NCAM2: variants seen among roughly 807,000 people sequenced by gnomAD.
NCAM2 encodes neural cell adhesion molecule 2, also known as N-CAM-2.
NCAM2 carries 30 observed loss-of-function variants against 98.1 expected under a neutral mutation model. The ratio of observed to expected loss-of-function variants is 0.31; its 90% CI spans 0.23 to 0.41. The LOEUF is 0.41. NCAM2 is among the 10% of genes least tolerant of loss of function. The pLI, the probability that NCAM2 is intolerant of heterozygous loss-of-function variation, is 1.00. For synonymous variants in NCAM2, 368 were observed against 342.4 expected (o/e 1.07, Z -0.83); for missense variants, 867 against 1,005.8 (o/e 0.86, Z 1.87).
chr21:21,451,415 A>G (rs1248763283), intron 12 of NCAM2, among the ~76,000 whole-genome samples: 2 of 152,146 alleles, frequency 1.3e-5, no homozygotes, highest in Non-Finnish European at 2.9e-5. Context: ...GCTGTTCTTC[A>G]ATATTAATTC....
intron 1 of NCAM2, among the ~76,000 whole-genome samples, chr21:21,224,429 T>G (rs2070298864): frequency 6.6e-6 from 1 of 152,154 alleles, no homozygotes; most frequent in South Asian, 2.1e-4. Context: ...ATCTATAGCT[T>G]GTACTTTCAA....
rs529034293 is a variant in NCAM2 at position 21,454,006 on chromosome 21, A to C, written c.1655-12600A>C. ...ATTTTTAAACAGTATGATGAAGGTA[A>C]GTTATGATTTACCATGCCTAGGATT... On this transcript the variant is annotated intron_variant, in intron 12 of 17. Coordinates refer to ENST00000400546, the MANE Select transcript of NCAM2 (RefSeq NM_004540.5). Among the ~76,000 whole-genome samples, 8 of 152,196 alleles carry C rather than the reference A, an allele frequency of 5.3e-5. No individual in the cohort carries two copies. In the South Asian group the frequency reaches 1.7e-3, roughly 32 times the overall value.
At chr21:21,237,031 C>T (rs1329154184) in intron 1 of NCAM2, among the ~76,000 whole-genome samples, 5 of 151,174 alleles carry the variant, frequency 3.3e-5, no homozygotes, top group Non-Finnish European at 5.9e-5. Context: ...TAGACTTCTG[C>T]TCCTTATTTA....
At chr21:21,475,229 G>C (rs938910110) in intron 14 of NCAM2, among the ~76,000 whole-genome samples, 3 of 151,958 alleles carry the variant, frequency 2.0e-5, no homozygotes, top group African/African-American at 7.3e-5. Context: ...GAAAAATGGC[G>C]CTAGAGTGTA....
intron 16 of NCAM2, among the ~76,000 whole-genome samples, chr21:21,520,806 GA>G (rs1183470594): frequency 6.6e-6 from 1 of 151,994 alleles, no homozygotes; most frequent in Non-Finnish European, 1.5e-5. Flanking sequence ...TCAGGAATAG[GA>G]AAAAAATGTA....
intron 1 of NCAM2, among the ~76,000 whole-genome samples, chr21:21,138,370 A>G (rs1199864966): frequency 1.3e-5 from 2 of 152,206 alleles, no homozygotes; most frequent in Non-Finnish European, 2.9e-5. Context: ...AGAGACAGAT[A>G]GATGTGTTTG....
At chr21:21,474,930 C>G (rs987294679) in intron 14 of NCAM2, among the ~76,000 whole-genome samples, 1 of 151,226 alleles carries the variant, frequency 6.6e-6, no homozygotes, top group South Asian at 2.1e-4. Flanking sequence ...CATATCATCT[C>G]AAATTACTTT....
At chr21:21,328,350 G>C (rs192549863) in intron 6 of NCAM2, among the ~76,000 whole-genome samples, 3 of 152,026 alleles carry the variant, frequency 2.0e-5, no homozygotes, top group Non-Finnish European at 4.4e-5. Flanking sequence ...CATTATTTTA[G>C]AGTGTACTCC....
intron 5 of NCAM2, among the ~76,000 whole-genome samples, chr21:21,293,524 A>G (rs1224937216): frequency 6.6e-6 from 1 of 151,828 alleles, no homozygotes; most frequent in Non-Finnish European, 1.5e-5. Context: ...GAGGAGATCT[A>G]GTATTTTTCA....
intron 6 of NCAM2, among the ~76,000 whole-genome samples, chr21:21,324,854 T>C (rs2074471268): frequency 1.3e-5 from 2 of 152,150 alleles, no homozygotes; most frequent in South Asian, 2.1e-4. Context: ...GACACCACTG[T>C]CATATGTATA....
At chr21:21,251,979 C>G (rs1269133116) in intron 1 of NCAM2, among the ~76,000 whole-genome samples, 1 of 152,028 alleles carries the variant, frequency 6.6e-6, no homozygotes, top group Non-Finnish European at 1.5e-5. Context: ...TTGCCTATGC[C>G]TATGTCCTGA....
At chr21:21,175,444 A>G (rs550367315) in intron 1 of NCAM2, among the ~76,000 whole-genome samples, 6 of 152,306 alleles carry the variant, frequency 3.9e-5, no homozygotes, top group African/African-American at 1.4e-4. Context: ...GAGGCAGGAC[A>G]ATCACTTGAA....
chr21:21,000,212 G>A (rs2063993572), intron 1 of NCAM2, among the ~76,000 whole-genome samples: 1 of 152,140 alleles, frequency 6.6e-6, no homozygotes, highest in African/African-American at 2.4e-5. Flanking sequence ...TTATAGCATA[G>A]ACAGGTATTT....
intron 1 of NCAM2, among the ~76,000 whole-genome samples, chr21:21,169,689 CG>C (rs2068059469): frequency 6.6e-6 from 1 of 152,122 alleles, no homozygotes; most frequent in African/African-American, 2.4e-5. Context: ...TGGCTCATGC[CG>C]GTAATCCCAG....
At chr21:21,160,840 G>A (rs1483111591) in intron 1 of NCAM2, among the ~76,000 whole-genome samples, 1 of 152,064 alleles carries the variant, frequency 6.6e-6, no homozygotes, top group South Asian at 2.1e-4. Context: ...ATTTTGATAT[G>A]CAATGACATT....
intron 15 of NCAM2, among the ~76,000 whole-genome samples, chr21:21,508,590 T>TA (rs942853239): frequency 3.5e-4 from 51 of 146,068 alleles, no homozygotes; most frequent in South Asian, 6.5e-4. Flanking sequence ...TCTTTGTTAA[T>TA]AAAAAAAAAA....
chr21:21,377,990 C>A (rs995282008), intron 9 of NCAM2, among the ~76,000 whole-genome samples: 1 of 151,966 alleles, frequency 6.6e-6, no homozygotes, highest in African/African-American at 2.4e-5. Flanking sequence ...CTAGATTCAT[C>A]CATGTTGTGC....
chr21:21,315,416 A>C (rs1239128278), intron 5 of NCAM2, among the ~76,000 whole-genome samples: 1 of 152,164 alleles, frequency 6.6e-6, no homozygotes, highest in Admixed American at 6.6e-5. Context: ...TCCCCTGGCC[A>C]GAAAGCTGCG....
intron 1 of NCAM2, among the ~76,000 whole-genome samples, chr21:21,254,776 A>G (rs1273200493): frequency 1.3e-5 from 2 of 151,916 alleles, no homozygotes; most frequent in South Asian, 2.1e-4. Flanking sequence ...TAAGAAGATC[A>G]CCTCGGCGAT....
Sources: gnomAD v4.1 joint callset for allele counts (sites outside exome capture counted in the v4.1 genomes callset) on GRCh38, gnomAD v4.1.1 for gene constraint, MANE v1.5 for transcripts, NCBI Gene and HGNC (gene_info 2026-07-23, HGNC 2026-07-21) for gene names.